The following IKZF2 variants were observed in gnomAD, a reference collection of about 807,000 sequenced individuals.
IKZF2 encodes the protein zinc finger protein Helios.
Under a neutral mutation model 49.2 loss-of-function variants are expected in IKZF2, and 15 were observed. The ratio of observed to expected loss-of-function variants is 0.30; its 90% CI spans 0.20 to 0.47. The LOEUF (loss-of-function observed/expected upper bound fraction) is 0.47. Ranked by LOEUF, IKZF2 falls within the 20% of genes least tolerant of loss-of-function variation. The pLI is 1.00. For synonymous variants in IKZF2, 227 were observed against 221.4 expected (o/e 1.03, Z -0.23); for missense variants, 567 against 664.6 (o/e 0.85, Z 1.61).
At chr2:213,022,287 T>G (rs1251664089) in intron 6 of IKZF2, among the ~76,000 whole-genome samples, 157 bp from the exon 7 acceptor site, 2 of 152,188 alleles carry the variant, frequency 1.3e-5, no homozygotes, top group Admixed American at 6.5e-5. Context: ...GAAAAGATAA[T>G]ACATTTCTAC....
intron 4 of IKZF2, among the ~76,000 whole-genome samples, chr2:213,089,928 A>C (rs1349280637): frequency 6.6e-6 from 1 of 152,124 alleles, no homozygotes; most frequent in Non-Finnish European, 1.5e-5. Context: ...TGATCAAGAG[A>C]CACTTCCTGA....
chr2:213,090,816 C>T (rs1297532544), intron 4 of IKZF2, among the ~76,000 whole-genome samples: 3 of 152,078 alleles, frequency 2.0e-5, no homozygotes, highest in Non-Finnish European at 4.4e-5. Context: ...GGGAGAGGGA[C>T]ATAGCAGATT....
chr2:213,123,467 T>C (rs188366227), intron 4 of IKZF2, among the ~76,000 whole-genome samples: 1 of 152,258 alleles, frequency 6.6e-6, no homozygotes, highest in African/African-American at 2.4e-5. Context: ...ATTTGAATTG[T>C]CGAATAAAAG....
At chr2:213,114,730 G>A (rs573600030) in intron 4 of IKZF2, among the ~76,000 whole-genome samples, 7 of 152,154 alleles carry the variant, frequency 4.6e-5, no homozygotes, top group African/African-American at 1.2e-4. Context: ...TCAAGAGATC[G>A]AGACCATCCT....
In IKZF2 at chr2:213,007,593, G is replaced by C. The variant is rs1490792832; in HGVS notation, c.1348C>G (p.Pro450Ala). The C allele has an allele frequency of 6.2e-7, 1 of 1,613,542 alleles. No individual in the cohort carries two copies. The highest frequency in any genetic ancestry group is 2.2e-5 in the East Asian group (1 of 44,864). ...TAGATGTCCTTCAGAGAGCCCTTAG[G>C]AGCCTTGGTAGTATCCAAAGCTTTG... ...DVKALDTTKAPKGSLKDIYKV... is the reference protein window; with the variant it reads ...DVKALDTTKAAKGSLKDIYKV... Residue 450 changes from proline to alanine, a missense_variant, in exon 9 of 9, where the codon CCT becomes GCT. Transcript: ENST00000434687.
At chr2:213,144,502 G>GA (rs2060977546) in intron 4 of IKZF2, among the ~76,000 whole-genome samples, 1 of 151,800 alleles carries the variant, frequency 6.6e-6, no homozygotes, top group African/African-American at 2.4e-5. Context: ...AGCTAACCAA[G>GA]AAACAGAAGG....
intron 4 of IKZF2, among the ~76,000 whole-genome samples, chr2:213,091,901 C>A (rs897408737): frequency 6.9e-6 from 1 of 145,714 alleles, no homozygotes; most frequent in Admixed American, 6.8e-5. Flanking sequence ...TGTGTGTGTG[C>A]GTGTGTGTGT....
intron 4 of IKZF2, among the ~76,000 whole-genome samples, chr2:213,065,681 A>T (rs936707002): frequency 6.6e-6 from 1 of 152,104 alleles, no homozygotes; most frequent in African/African-American, 2.4e-5. Context: ...TTTACAAATG[A>T]GGAAACTGAA....
chr2:213,058,314 G>C (rs919082233), intron 4 of IKZF2, among the ~76,000 whole-genome samples: 1 of 151,974 alleles, frequency 6.6e-6, no homozygotes, highest in Non-Finnish European at 1.5e-5. Context: ...AATAAAGTTC[G>C]AGCAGAACAG....
rs556236645 is a variant in IKZF2 at position 213,150,259 on chromosome 2, C to A, written c.-119-12G>T. The A allele has an allele frequency of 1.8e-4, 190 of 1,064,296 alleles. 2 individuals are homozygous for A. The South Asian group carries it at 2.4e-3, about 13-fold the overall frequency. The allele number at this position is 1,064,296 out of a possible 1,614,324, so 65.9% of individuals were successfully genotyped here. A position where few individuals can be genotyped will look rare whatever the true frequency, so the allele number is the denominator to read the frequency against. ...GTGACAATGTCGGGCTGAAGATAAACGGAGGGAGAAAGAAAGAAGTTTTTT... is the reference window on the plus strand; with the variant it reads ...GTGACAATGTCGGGCTGAAGATAAAAGGAGGGAGAAAGAAAGAAGTTTTTT... On this transcript the variant is annotated splice_polypyrimidine_tract_variant and intron_variant, in intron 1 of 8. Transcript: ENST00000434687.
intron 6 of IKZF2, among the ~76,000 whole-genome samples, chr2:213,040,321 C>T (rs1369769761): frequency 1.3e-5 from 2 of 150,116 alleles, no homozygotes; most frequent in Non-Finnish European, 3.0e-5. Context: ...TCTCCTGATT[C>T]TCTCCTTCGT....
At chr2:213,135,265 G>A (rs967430872) in intron 4 of IKZF2, among the ~76,000 whole-genome samples, 1 of 152,030 alleles carries the variant, frequency 6.6e-6, no homozygotes, top group Non-Finnish European at 1.5e-5. Flanking sequence ...ATGCCACAAT[G>A]TCTCCTTAAT....
At chr2:213,144,915 A>G (rs900343490) in intron 4 of IKZF2, among the ~76,000 whole-genome samples, 1 of 151,984 alleles carries the variant, frequency 6.6e-6, no homozygotes. Flanking sequence ...GTCAGGCATT[A>G]TAACATTTTT....
intron 4 of IKZF2, among the ~76,000 whole-genome samples, chr2:213,060,216 T>C (rs1488877322): frequency 6.6e-6 from 1 of 151,388 alleles, no homozygotes; most frequent in African/African-American, 2.4e-5. Context: ...CCATGGTTTA[T>C]TTTCACTATT....
rs1190506972 is a variant in IKZF2 at position 213,005,459 on chromosome 2, A to T, written c.*1901T>A. On this transcript the variant is annotated 3_prime_UTR_variant, in exon 9 of 9. Transcript: ENST00000434687. ...GCTTAGAAGTGCTTAGCTGGTGCCT[A>T]CCATTTAAATAGCAAATAGTAAGCT... 1 of 151,972 alleles carries T rather than the reference A, an allele frequency of 6.6e-6. No homozygotes were observed. Among genetic ancestry groups the T allele is most frequent in the Non-Finnish European group, 1.5e-5 (1 of 67,970 alleles). 9.4% of individuals were successfully genotyped at this position (151,972 alleles called of 1,614,324 possible).
At chr2:213,129,425 C>G (rs1455870147) in intron 4 of IKZF2, among the ~76,000 whole-genome samples, 1 of 150,246 alleles carries the variant, frequency 6.7e-6, no homozygotes. Flanking sequence ...GTGTCCCAAA[C>G]CAAAGAAACA....
intron 4 of IKZF2, among the ~76,000 whole-genome samples, chr2:213,127,993 CTAAA>C (rs569988781): frequency 5.5e-4 from 83 of 151,650 alleles, no homozygotes; most frequent in African/African-American, 1.9e-3. Context: ...ATAGAAAAAG[CTAAA>C]TAAAGTTACC....
At chr2:213,010,201 A>G (rs1324777778) in intron 8 of IKZF2, among the ~76,000 whole-genome samples, 1 of 152,118 alleles carries the variant, frequency 6.6e-6, no homozygotes, top group Non-Finnish European at 1.5e-5. Flanking sequence ...TTAGTCTCAA[A>G]TTCAGAAGAG....
At chr2:213,021,509 GT>G (rs1553545995) in intron 7 of IKZF2, 2 of 263,254 alleles carry the variant, frequency 7.6e-6, no homozygotes, top group Non-Finnish European at 1.5e-5. Context: ...CTTGGAGAAT[GT>G]TTTTTGTGGA....
Sources: allele counts gnomAD v4.1 joint callset (sites outside exome capture counted in the v4.1 genomes callset), GRCh38; gene constraint gnomAD v4.1.1; transcripts MANE v1.5; gene names NCBI Gene and HGNC (gene_info 2026-07-23, HGNC 2026-07-21).